The following NUP210 variants were observed in gnomAD, a reference collection of about 807,000 sequenced individuals.
NUP210 encodes the protein nuclear pore membrane glycoprotein 210.
In NUP210, 151 loss-of-function variants were observed where a neutral mutation model predicts 196.0. The ratio of observed to expected loss-of-function variants is 0.77; its 90% CI spans 0.67 to 0.88. The LOEUF (loss-of-function observed/expected upper bound fraction) is 0.88. Ranked by LOEUF, NUP210 falls within the 40% of genes least tolerant of loss-of-function variation. The pLI is 0.00. For missense variants in NUP210, 2,314 were observed against 2,493.7 expected (o/e 0.93, Z 1.53); for synonymous variants, 1,070 against 1,052.7 (o/e 1.02, Z -0.32).
At chr3:13,334,562 T>C (rs140270600) in intron 28 of NUP210, among the ~76,000 whole-genome samples, 2 of 152,320 alleles carry the variant, frequency 1.3e-5, no homozygotes, top group East Asian at 3.9e-4. Context: ...TTATTTCTTC[T>C]TGAGGCGGGG....
rs755523106 is a variant in NUP210, at chr3:13,325,810, C to T, written c.4629G>A (p.Leu1543=). ...TAGAGCCCACCTCCTTGTAGGTCCT[C>T]AGGTGCCCAGCGACCTCATAGTAAA... ...VTVYYEVAGH[L]RTYKEVVVSV... The change falls in exon 33 of 40, where the codon CTG becomes CTA. Residue 1543 remains leucine, a synonymous_variant. Transcript: ENST00000254508. 1.9e-6 allele frequency: 3 copies of T among 1,613,892 alleles called. No individual in the cohort carries two copies. Among genetic ancestry groups the T allele is most frequent in the East Asian group, 2.2e-5 (1 of 44,874 alleles).
intron 33 of NUP210, among the ~76,000 whole-genome samples, chr3:13,324,216 A>G (rs1286143846): frequency 1.4e-5 from 2 of 145,622 alleles, no homozygotes; most frequent in African/African-American, 5.0e-5. Context: ...GGGACCCCCC[A>G]ACGCTGGCCC....
chr3:13,358,468 A>ACCC (rs1404000371), intron 15 of NUP210, 73 bp from the exon 16 acceptor site: 1 of 1,412,320 alleles, frequency 7.1e-7, no homozygotes, highest in East Asian at 2.5e-5. Context: ...GCCACACCCC[A>ACCC]CCCCAGCTCC....
chr3:13,378,931 C>G lies in NUP210; in HGVS notation c.1026G>C (p.Val342=). 1 of 1,613,988 alleles carries G rather than the reference C, an allele frequency of 6.2e-7. No homozygotes were observed. The highest frequency in any genetic ancestry group is 1.6e-4 in the Middle Eastern group (1 of 6,062). Reference sequence around the variant, plus strand: ...ACTCACCTAGGTATCCAGGTTCGACCACGTAGATAGTGCTGTTGGGTAACC... The same window carrying G: ...ACTCACCTAGGTATCCAGGTTCGACGACGTAGATAGTGCTGTTGGGTAACC... The part of the protein sequence containing the change: ...ASRLPNSTIY[V]VEPGYLGFTV... The change falls in exon 8 of 40, where the codon GTG becomes GTC. Residue 342 remains valine, a synonymous_variant. Coordinates refer to ENST00000254508, the MANE Select transcript of NUP210 (RefSeq NM_024923.4).
chr3:13,386,512 T>C lies in NUP210; in HGVS notation c.685-105A>G, dbSNP rs1164327128. 20 of 1,383,040 alleles carry C rather than the reference T, an allele frequency of 1.4e-5. No individual in the cohort carries two copies. The East Asian group carries it at 3.2e-4, about 22-fold the overall frequency. The allele number at this position is 1,383,040 out of a possible 1,614,324, so 85.7% of individuals were successfully genotyped here. A position where few individuals can be genotyped will look rare whatever the true frequency, so the allele number is the denominator to read the frequency against. On this transcript the variant is annotated intron_variant, in intron 5 of 39. Transcript: ENST00000254508. ...GTTTTAAACATGGGAATAGGGAAGT[T>C]AAGAGGAAAGAAACAAGATATCATT...
chr3:13,383,516 CTTTTTTT>C (rs3032854), intron 6 of NUP210, among the ~76,000 whole-genome samples: 133 of 70,942 alleles, frequency 1.9e-3, no homozygotes, highest in Middle Eastern at 0.027. Flanking sequence ...AGAGTGAGCT[CTTTTTTT>C]TTTTTTTTTT....
At chr3:13,331,155 C>G (rs1389799000) in intron 29 of NUP210, among the ~76,000 whole-genome samples, 2 of 152,224 alleles carry the variant, frequency 1.3e-5, no homozygotes, top group Middle Eastern at 3.4e-3. Flanking sequence ...GTGTAATGAT[C>G]CTGTCTTGTC....
At chr3:13,380,602 G>C (rs1699068888) in intron 6 of NUP210, among the ~76,000 whole-genome samples, 1 of 152,162 alleles carries the variant, frequency 6.6e-6, no homozygotes, top group South Asian at 2.1e-4. Flanking sequence ...TTCCTAACCA[G>C]TCACCCATTC....
intron 1 of NUP210, among the ~76,000 whole-genome samples, chr3:13,401,259 C>CAAAAAA (rs71066952): frequency 0.23 from 9,884 of 43,500 alleles, 2,311 homozygotes; most frequent in African/African-American, 0.51. Flanking sequence ...GACTCTGGCT[C>CAAAAAA]AAAAAAAAAA....
At chr3:13,376,245 G>T in intron 10 of NUP210, 46 bp downstream of exon 10, 1 of 1,606,096 alleles carries the variant, frequency 6.2e-7, no homozygotes, top group Non-Finnish European at 8.5e-7. Flanking sequence ...CCTACAGAGG[G>T]TGGCTTCATA....
At position 13,360,435 on chromosome 3, in the gene NUP210, C is replaced by G; in HGVS notation, c.1989G>C (p.Leu663=). ...LVTLGSSKEM[L]FEGGPRPWIL... is the part of the protein sequence containing the mutation. ...TCCAAGGTCTGGGACCTCCTTCAAA[C>G]AGCATCTCCTTTGAGGAGCCCAGGG... The change falls in exon 15 of 40, where the codon CTG becomes CTC. Residue 663 remains leucine, a synonymous_variant. Coordinates refer to ENST00000254508, the MANE Select transcript of NUP210 (RefSeq NM_024923.4). The G allele has an allele frequency of 6.2e-7, 1 of 1,613,868 alleles. No individual in the cohort carries two copies. The highest frequency in any genetic ancestry group is 8.5e-7 in the Non-Finnish European group (1 of 1,179,926).
chr3:13,340,089 C>T lies in NUP210; in HGVS notation c.3292-56G>A, dbSNP rs1010353473. Reference sequence around the variant, plus strand: ...TGCCCGTCATGCCAGGCAGCCCGCACCTCCCACTCAGAGAGCCAGGGCCCC... The same window carrying T: ...TGCCCGTCATGCCAGGCAGCCCGCATCTCCCACTCAGAGAGCCAGGGCCCC... On this transcript the variant is annotated intron_variant, in intron 24 of 39. Transcript: ENST00000254508. The surrounding 1 kb of genome is among the most constrained non-coding windows in gnomAD (Gnocchi z 4.0). 1.6e-5 allele frequency: 25 copies of T among 1,602,722 alleles called. No individual in the cohort carries two copies. In the African/African-American group the frequency reaches 2.0e-4, roughly 13 times the overall value.
chr3:13,358,788 G>A (rs1297304292), intron 15 of NUP210, among the ~76,000 whole-genome samples: 2 of 152,214 alleles, frequency 1.3e-5, no homozygotes, highest in African/African-American at 4.8e-5. Context: ...GAACAGACGT[G>A]GGAAGTGCAT....
chr3:13,324,493 C>A (rs143482366), intron 33 of NUP210, among the ~76,000 whole-genome samples: 91 of 152,258 alleles, frequency 6.0e-4, no homozygotes, highest in African/African-American at 2.1e-3. Flanking sequence ...GGCCTACCTA[C>A]CTCTGTGTGC....
At chr3:13,353,454 C>T in intron 18 of NUP210, 100 bp downstream of exon 18, 4 of 987,374 alleles carry the variant, frequency 4.1e-6, no homozygotes, top group South Asian at 1.3e-5. Context: ...GTCAAGCAGA[C>T]AGTGACTCAG....
At chr3:13,333,181 G>T (rs1239377224) in intron 28 of NUP210, among the ~76,000 whole-genome samples, 1 of 152,208 alleles carries the variant, frequency 6.6e-6, no homozygotes, top group Non-Finnish European at 1.5e-5. Context: ...AGTGCTCCAA[G>T]GCCCTGGTGG....
intron 20 of NUP210, among the ~76,000 whole-genome samples, chr3:13,346,502 C>G (rs1462335971): frequency 6.6e-6 from 1 of 152,162 alleles, no homozygotes; most frequent in African/African-American, 2.4e-5. Flanking sequence ...AACACTGAGC[C>G]AAGAGGAAAG....
At chr3:13,329,704 T>G (rs1376614869) in intron 30 of NUP210, among the ~76,000 whole-genome samples, 1 of 152,210 alleles carries the variant, frequency 6.6e-6, no homozygotes, top group Non-Finnish European at 1.5e-5. Flanking sequence ...AGTGAGTGTG[T>G]GTCTTCTGTC....
At position 13,323,594 on chromosome 3, in the gene NUP210, A is replaced by G. The variant is rs1696627243; in HGVS notation, c.4645-162T>C. Among the ~76,000 whole-genome samples, 2 of 152,232 alleles carry G rather than the reference A, an allele frequency of 1.3e-5. No homozygotes were observed. The highest frequency in any genetic ancestry group is 2.9e-5 in the Non-Finnish European group (2 of 68,032). On this transcript the variant is annotated intron_variant, in intron 33 of 39. Transcript: ENST00000254508. This position sits in a 1 kb window ranked among gnomAD's most constrained non-coding sequence, Gnocchi z 4.3. ...TAAACGCCTTGCTAGAATGTGGCAG[A>G]GAGGGGGTTTGAGCCCAGTCTGGTC...
Sources: gnomAD v4.1 joint callset for allele counts (sites outside exome capture counted in the v4.1 genomes callset) on GRCh38, gnomAD v4.1.1 for gene constraint, Gnocchi (gnomAD v3.1) non-coding constraint, MANE v1.5 for transcripts, NCBI Gene and HGNC (gene_info 2026-07-23, HGNC 2026-07-21) for gene names.